ARHGEF19: variants seen among roughly 807,000 people sequenced by gnomAD.
ARHGEF19 encodes Rho guanine nucleotide exchange factor (GEF) 19.
Under a neutral mutation model 87.6 loss-of-function variants are expected in ARHGEF19, and 92 were observed. The observed-to-expected ratio is 1.05, with a 90% CI of 0.89 to 1.25. The LOEUF (loss-of-function observed/expected upper bound fraction) is 1.25, where lower values mean the gene tolerates loss of function less well. Ranked by LOEUF, ARHGEF19 falls within the 50% of genes most tolerant of loss-of-function variation. ARHGEF19 has a pLI of 0.00. For synonymous variants in ARHGEF19, 438 were observed against 446.2 expected, an observed-to-expected ratio of 0.98 and a Z score of 0.23; for missense variants, 1,054 against 1,051.8, an observed-to-expected ratio of 1.00 and a Z score of -0.03.
rs1216229759 is a variant in ARHGEF19, at chr1:16,207,061, G to A, written c.1024C>T (p.Arg342Trp). Residue 342 changes from arginine to tryptophan, a missense_variant, in exon 6 of 16, where the codon CGG becomes TGG. Coordinates refer to ENST00000270747, the MANE Select transcript of ARHGEF19 (RefSeq NM_153213.5). The surrounding 1 kb of genome is among the most constrained non-coding windows in gnomAD (Gnocchi z 4.0). The stretch of plus-strand genomic sequence containing the variant: ...GAGCCTCGCGCCGAGCGCTGCGCCC[G>A]GAAGGAGCTGCTGGGGGAGAGGTTG... ...RANLSPSSSF[R>W]AQRSARGSTF... 1.3e-6 allele frequency: 2 copies of A among 1,507,224 alleles called. No homozygotes were observed. The highest frequency in any genetic ancestry group is 8.8e-7 in the Non-Finnish European group (1 of 1,130,716). The allele number at this position is 1,507,224 out of a possible 1,614,324, so 93.4% of individuals were successfully genotyped here. A position where few individuals can be genotyped will look rare whatever the true frequency, so the allele number is the denominator to read the frequency against.
Position 16,205,987 on chromosome 1 carries a change from G to C in ARHGEF19, c.1395C>G (p.Val465=), listed in dbSNP as rs752630520. 1 of 1,611,112 alleles carries C rather than the reference G, an allele frequency of 6.2e-7. No homozygotes were observed. Among genetic ancestry groups the C allele is most frequent in the Non-Finnish European group, 8.5e-7 (1 of 1,178,716 alleles). ...VLDHCPAFRR[V]YLPYVTNQAY... ...CCTGGTTGGTGACATAGGGCAGGTA[G>C]ACTCTGCGGAAGGCCGGGCAGTGGT... The change falls in exon 8 of 16, where the codon GTC becomes GTG. Residue 465 remains valine, a synonymous_variant. Transcript: ENST00000270747. This position sits in a 1 kb window ranked among gnomAD's most constrained non-coding sequence, Gnocchi z 5.8.
Position 16,206,229 on chromosome 1 carries a change from T to C in ARHGEF19, c.1249A>G (p.Lys417Glu), listed in dbSNP as rs779816629. ...GGCAGTTTGGAAAACAGCCACTGCT[T>C]GTCCTGCGCCCCCAGACACTCGCTC... ...ELSECLGAQDKQWLFSKLPEV... is the reference protein window; with the variant it reads ...ELSECLGAQDEQWLFSKLPEV... The change falls in exon 7 of 16, where the codon AAG (lysine) becomes GAG (glutamate). Residue 417 changes from lysine (K) to glutamate (E), a missense_variant. By Grantham distance (56) the Lys-to-Glu change is moderately conservative. Coordinates refer to ENST00000270747, the MANE Select transcript of ARHGEF19 (RefSeq NM_153213.5). This position sits in a 1 kb window ranked among gnomAD's most constrained non-coding sequence, Gnocchi z 4.6. 4 of 1,597,640 alleles carry C rather than the reference T, an allele frequency of 2.5e-6. No individual in the cohort carries two copies. In the African/African-American group the frequency reaches 5.4e-5, roughly 21 times the overall value.
At position 16,205,237 on chromosome 1, in the gene ARHGEF19, T is replaced by G; in HGVS notation, c.1657-61A>C. On this transcript the variant is annotated intron_variant, in intron 10 of 15. Coordinates refer to ENST00000270747, the MANE Select transcript of ARHGEF19 (RefSeq NM_153213.5). The surrounding 1 kb of genome is among the most constrained non-coding windows in gnomAD (Gnocchi z 5.8). ...CAGCTCCGGCTCCCAGAGCCCAGCC[T>G]CAGACTCTTGCCTGGGGACCGGAGA... The G allele has an allele frequency of 1.9e-6, 3 of 1,595,026 alleles. No homozygotes were observed. The highest frequency in any genetic ancestry group is 1.7e-6 in the Non-Finnish European group (2 of 1,168,780).
At chr1:16,200,516 G>A in intron 14 of ARHGEF19, among the ~76,000 whole-genome samples, 1 of 151,624 alleles carries the variant, frequency 6.6e-6, no homozygotes, top group East Asian at 2.0e-4. Flanking sequence ...GCTGAGGCAG[G>A]TGAATCACTT....
chr1:16,212,366 T>C (rs2081204971), intron 1 of ARHGEF19, 136 bp downstream of exon 1: 1 of 152,258 alleles, frequency 6.6e-6, no homozygotes, highest in African/African-American at 2.4e-5. Context: ...CCAGGCCAAG[T>C]GGTTCACAGA....
At position 16,207,322 on chromosome 1, in the gene ARHGEF19, T is replaced by A. The variant is rs170234; in HGVS notation, c.875-112A>T. ...CTTAACCTTTGCCGCGGTTCGGATATCTGGACACAGTGAATTCATTCATTC... is the reference window on the plus strand; with the variant it reads ...CTTAACCTTTGCCGCGGTTCGGATAACTGGACACAGTGAATTCATTCATTC... On this transcript the variant is annotated intron_variant, in intron 5 of 15. Coordinates refer to ENST00000270747, the MANE Select transcript of ARHGEF19 (RefSeq NM_153213.5). This position sits in a 1 kb window ranked among gnomAD's most constrained non-coding sequence, Gnocchi z 4.0. 7.1e-7 allele frequency: 1 copy of A among 1,415,082 alleles called. No homozygotes were observed. The allele number at this position is 1,415,082 out of a possible 1,614,324, so 87.7% of individuals were successfully genotyped here.
Position 16,205,311 on chromosome 1 carries a change from G to T in ARHGEF19, c.1656+40C>A, listed in dbSNP as rs376034060. On this transcript the variant is annotated intron_variant, in intron 10 of 15. Coordinates refer to ENST00000270747, the MANE Select transcript of ARHGEF19 (RefSeq NM_153213.5). The surrounding 1 kb of genome is among the most constrained non-coding windows in gnomAD (Gnocchi z 5.8). ...AGAGACGTGCTGGGGGTCCAGGGGGGGCCTCAGGAGCCAAGCAGCCCCTGC... is the reference window on the plus strand; with the variant it reads ...AGAGACGTGCTGGGGGTCCAGGGGGTGCCTCAGGAGCCAAGCAGCCCCTGC... 11 of 1,612,760 alleles carry T rather than the reference G, an allele frequency of 6.8e-6. No individual in the cohort carries two copies. Among genetic ancestry groups the T allele is most frequent in the South Asian group, 2.2e-5 (2 of 91,036 alleles).
Position 16,207,184 on chromosome 1 carries a change from C to T in ARHGEF19, c.901G>A (p.Val301Met). The change falls in exon 6 of 16, where the codon GTG (valine) becomes ATG (methionine). Residue 301 changes from valine to methionine, a missense_variant. Coordinates refer to ENST00000270747, the MANE Select transcript of ARHGEF19 (RefSeq NM_153213.5). The surrounding 1 kb of genome is among the most constrained non-coding windows in gnomAD (Gnocchi z 4.0). ...NSVLYQEYSD[V>M]ASARELRRQQ... is the part of the protein sequence containing the mutation. ...CGCCGCAGTTCGCGGGCGCTGGCCA[C>T]GTCGCTGTATTCCTGATAGAGGACG... 2 of 1,531,500 alleles carry T rather than the reference C, an allele frequency of 1.3e-6. No homozygotes were observed. The highest frequency in any genetic ancestry group is 1.7e-6 in the Non-Finnish European group (2 of 1,143,242). The allele number at this position is 1,531,500 out of a possible 1,614,324, so 94.9% of individuals were successfully genotyped here. A position where few individuals can be genotyped will look rare whatever the true frequency, so the allele number is the denominator to read the frequency against.
In ARHGEF19 at chr1:16,202,422, CG is replaced by C; in HGVS notation, c.2059del (p.Arg687GlyfsTer48). 6.2e-7 allele frequency: 1 copy of C among 1,612,224 alleles called. No homozygotes were observed. Among genetic ancestry groups the C allele is most frequent in the Non-Finnish European group, 8.5e-7 (1 of 1,179,226 alleles). On this transcript the variant is annotated frameshift_variant, in exon 13 of 16. Transcript: ENST00000270747. LOFTEE classifies it high-confidence loss of function. The stretch of plus-strand genomic sequence containing the variant: ...CATATCCAGGCCCACTCACTCCGTC[CG>C]GGCCCGCAGCAGGAACTGGTGCTTC... ...HMKHQFLLRA[R>X]TESEKQRWIS...
chr1:16,206,894 G>A lies in ARHGEF19; in HGVS notation c.1137+54C>T. 1 of 1,406,378 alleles carries A rather than the reference G, an allele frequency of 7.1e-7. No individual in the cohort carries two copies. The highest frequency in any genetic ancestry group is 9.2e-7 in the Non-Finnish European group (1 of 1,090,392). The allele number at this position is 1,406,378 out of a possible 1,614,324, so 87.1% of individuals were successfully genotyped here. ...TGGCCCGGTTCCCGCTAAGTCCCCGGACCGCGTACTCCCCGGCCCGCCCCC... is the reference window on the plus strand; with the variant it reads ...TGGCCCGGTTCCCGCTAAGTCCCCGAACCGCGTACTCCCCGGCCCGCCCCC... On this transcript the variant is annotated intron_variant, in intron 6 of 15. Coordinates refer to ENST00000270747, the MANE Select transcript of ARHGEF19 (RefSeq NM_153213.5). This position sits in a 1 kb window ranked among gnomAD's most constrained non-coding sequence, Gnocchi z 4.6.
At chr1:16,202,259 G>A (rs941175514) in intron 13 of ARHGEF19, among the ~76,000 whole-genome samples, 157 bp downstream of exon 13, 3 of 152,248 alleles carry the variant, frequency 2.0e-5, no homozygotes, top group African/African-American at 7.2e-5. Flanking sequence ...CTGCCCCTGT[G>A]TCCTGCCCAA....
chr1:16,202,676 T>C, intron 12 of ARHGEF19, 102 bp from the exon 13 acceptor site: 1 of 1,449,064 alleles, frequency 6.9e-7, no homozygotes, highest in Non-Finnish European at 9.4e-7. Flanking sequence ...GGAGAAGGGG[T>C]TGCCTGCCCT....
At position 16,206,359 on chromosome 1, in the gene ARHGEF19, G is replaced by T; in HGVS notation, c.1138-19C>A. On this transcript the variant is annotated intron_variant, in intron 6 of 15. Transcript: ENST00000270747. The surrounding 1 kb of genome is among the most constrained non-coding windows in gnomAD (Gnocchi z 4.6). Reference sequence around the variant, plus strand: ...ACTTGGCCTGAGGGAGGGCACACACGGGGTCGAAAGGGCAGGACCAGTTCA... The same window carrying T: ...ACTTGGCCTGAGGGAGGGCACACACTGGGTCGAAAGGGCAGGACCAGTTCA... The T allele has an allele frequency of 6.4e-7, 1 of 1,567,670 alleles. No individual in the cohort carries two copies. The highest frequency in any genetic ancestry group is 8.7e-7 in the Non-Finnish European group (1 of 1,156,056).
intron 12 of ARHGEF19, 131 bp from the exon 13 acceptor site, chr1:16,202,705 T>C (rs1360779329): frequency 4.0e-5 from 49 of 1,212,484 alleles, no homozygotes; most frequent in Non-Finnish European, 5.6e-5. Flanking sequence ...TCTCACAGGG[T>C]CCTGCTTCTG....
chr1:16,202,197 CT>C (rs1264998715), intron 13 of ARHGEF19, among the ~76,000 whole-genome samples: 2 of 152,260 alleles, frequency 1.3e-5, no homozygotes, highest in Non-Finnish European at 2.9e-5. Context: ...TGGCAGCCCC[CT>C]GACACCACCT....
chr1:16,208,223 G>T lies in ARHGEF19; in HGVS notation c.415C>A (p.Arg139Ser). 1.9e-6 allele frequency: 3 copies of T among 1,611,498 alleles called. No individual in the cohort carries two copies. Among genetic ancestry groups the T allele is most frequent in the Non-Finnish European group, 2.5e-6 (3 of 1,178,480 alleles). Residue 139 changes from arginine to serine, a missense_variant and splice_region_variant, in exon 3 of 16, where the codon CGC becomes AGC. Physicochemically the swap from Arg to Ser is moderately radical, Grantham distance 110. Coordinates refer to ENST00000270747, the MANE Select transcript of ARHGEF19 (RefSeq NM_153213.5). ...SHGSEKKSAW[R>S]KMRVYQREEV... ...TCACGCTGGTACACCCGCATCTTGCGCCCTAGGGTTGGGGGCAAGGAGTGA... is the reference window on the plus strand; with the variant it reads ...TCACGCTGGTACACCCGCATCTTGCTCCCTAGGGTTGGGGGCAAGGAGTGA...
At chr1:16,211,031 C>A (rs966573255) in intron 1 of ARHGEF19, among the ~76,000 whole-genome samples, 2 of 152,302 alleles carry the variant, frequency 1.3e-5, no homozygotes, top group South Asian at 4.2e-4. Flanking sequence ...AAGGGGTCCT[C>A]TCTACGGTGG....
In ARHGEF19 at chr1:16,207,881, T is replaced by TGG; in HGVS notation, c.694+62_694+63insCC. The stretch of plus-strand genomic sequence containing the variant: ...GCCTCAGGCGGCCGGTGAGTGGGCA[T>TGG]CGCCCACCCCCACCCCCACCCGGCA... On this transcript the variant is annotated intron_variant, in intron 3 of 15. Coordinates refer to ENST00000270747, the MANE Select transcript of ARHGEF19 (RefSeq NM_153213.5). The surrounding 1 kb of genome is among the most constrained non-coding windows in gnomAD (Gnocchi z 4.0). 2 of 1,539,266 alleles carry TGG rather than the reference T, an allele frequency of 1.3e-6. No homozygotes were observed. The highest frequency in any genetic ancestry group is 1.8e-6 in the Non-Finnish European group (2 of 1,124,984).
rs1422178908 is a variant in ARHGEF19, at chr1:16,206,977, G to C, written c.1108C>G (p.Leu370Val). 2.6e-6 allele frequency: 4 copies of C among 1,511,232 alleles called. No homozygotes were observed. The highest frequency in any genetic ancestry group is 2.1e-5 in the Admixed American group (1 of 47,042). 93.6% of individuals were successfully genotyped at this position (1,511,232 alleles called of 1,614,324 possible). Reference protein sequence around the residue: ...DVRGSGVLATLSLRDCKLQEA... With the variant: ...DVRGSGVLATVSLRDCKLQEA... The stretch of plus-strand genomic sequence containing the variant: ...TGCAGCTTGCAGTCCCGCAGGCTCA[G>C]CGTGGCCAGGACGCCGCTGCCGCGT... Residue 370 changes from leucine to valine, a missense_variant, in exon 6 of 16, where the codon CTG (leucine) becomes GTG (valine). Leu to Val is a conservative substitution (Grantham distance 32, BLOSUM62 1). Transcript: ENST00000270747. The surrounding 1 kb of genome is among the most constrained non-coding windows in gnomAD (Gnocchi z 4.6).
Sources: allele counts gnomAD v4.1 joint callset (sites outside exome capture counted in the v4.1 genomes callset), GRCh38; gene constraint gnomAD v4.1.1; non-coding constraint Gnocchi (gnomAD v3.1); transcripts MANE v1.5; gene names NCBI Gene and HGNC (gene_info 2026-07-23, HGNC 2026-07-21).